The following FGD3 variants were observed in gnomAD, a reference collection of about 807,000 sequenced individuals.
FGD3 encodes the protein FYVE, RhoGEF and PH domain containing 3.
A neutral mutation model predicts 71.8 loss-of-function variants in FGD3; 45 were observed. The ratio of observed to expected loss-of-function variants is 0.63; its 90% CI spans 0.49 to 0.80. FGD3 has a LOEUF of 0.80. Among genes scored for constraint, FGD3 ranks in the 30% least tolerant of loss-of-function variants. FGD3 has a pLI of 0.00. For synonymous variants in FGD3, 378 were observed against 392.8 expected (o/e 0.96, Z 0.44); for missense variants, 844 against 951.5 (o/e 0.89, Z 1.49).
intron 3 of FGD3, among the ~76,000 whole-genome samples, chr9:92,990,921 T>C (rs546244949): frequency 6.6e-6 from 1 of 152,338 alleles, no homozygotes; most frequent in South Asian, 2.1e-4. Context: ...ATCAAGGTTA[T>C]GATGACCTTG....
chr9:93,008,961 T>TA (rs1221892937), intron 6 of FGD3, among the ~76,000 whole-genome samples: 24 of 104,556 alleles, frequency 2.3e-4, no homozygotes, highest in Non-Finnish European at 4.3e-4. Context: ...CAAGACTCCA[T>TA]CAAAAAAAAA....
intron 1 of FGD3, among the ~76,000 whole-genome samples, chr9:92,956,034 T>C (rs1859044956): frequency 6.6e-6 from 1 of 152,210 alleles, no homozygotes; most frequent in Admixed American, 6.5e-5. Context: ...TGCATGTTCA[T>C]TGCCAGTATA....
At chr9:92,951,474 CA>C (rs1858952622) in intron 1 of FGD3, among the ~76,000 whole-genome samples, 1 of 152,156 alleles carries the variant, frequency 6.6e-6, no homozygotes, top group Non-Finnish European at 1.5e-5. Flanking sequence ...TCCAGGAGTT[CA>C]AGACCAGGCT....
At chr9:93,000,953 C>G (rs1860836330) in intron 3 of FGD3, among the ~76,000 whole-genome samples, 1 of 152,050 alleles carries the variant, frequency 6.6e-6, no homozygotes, top group African/African-American at 2.4e-5. Context: ...CCCATACATC[C>G]CTTAGGCTCT....
intron 1 of FGD3, among the ~76,000 whole-genome samples, chr9:92,963,287 T>TTTTA (rs917116984): frequency 6.6e-6 from 1 of 152,136 alleles, no homozygotes; most frequent in African/African-American, 2.4e-5. Flanking sequence ...GAGAAATTGC[T>TTTTA]TTTATTTATT....
chr9:93,010,737 AAG>A (rs772187634), intron 7 of FGD3, among the ~76,000 whole-genome samples: 2 of 142,380 alleles, frequency 1.4e-5, no homozygotes, highest in South Asian at 2.2e-4. Flanking sequence ...GAGAGAGAGA[AAG>A]AGAGAGAACA....
chr9:93,034,306 C>G, intron 16 of FGD3: 1 of 479,716 alleles, frequency 2.1e-6, no homozygotes, highest in African/African-American at 2.0e-5. Context: ...GATGCCCTCC[C>G]CTTGGAGGGC....
chr9:93,025,605 T>C (rs183720182), intron 14 of FGD3, among the ~76,000 whole-genome samples: 2 of 152,350 alleles, frequency 1.3e-5, no homozygotes, highest in African/African-American at 4.8e-5. Context: ...CTGAGCCCAA[T>C]TTCTTCAGTG....
At chr9:92,982,773 G>C (rs1242652830) in intron 3 of FGD3, among the ~76,000 whole-genome samples, 1 of 152,048 alleles carries the variant, frequency 6.6e-6, no homozygotes, top group East Asian at 1.9e-4. Flanking sequence ...ACCTGTTAGA[G>C]TCCTATAGCT....
intron 12 of FGD3, 132 bp downstream of exon 12, chr9:93,019,993 A>C: frequency 1.1e-6 from 1 of 941,078 alleles, no homozygotes; most frequent in Non-Finnish European, 1.7e-6. Context: ...GCAGGGATGC[A>C]GTGACCACAC....
In FGD3 at chr9:93,033,330, C is replaced by CCTCCTCCTCCCCGTCCCCTT. The variant is rs1564173893; in HGVS notation, c.1785+464_1785+483dup. ...CTCCTCCTCCTCCCCGTCCCCTTCT[C>CCTCCTCCTCCCCGTCCCCTT]CTCCTCCTCCCCGTCCCCTTCTCCT... On this transcript the variant is annotated intron_variant, in intron 16 of 17. Coordinates refer to ENST00000375482, the MANE Select transcript of FGD3 (RefSeq NM_001083536.2). 154 of 142,502 alleles carry CCTCCTCCTCCCCGTCCCCTT rather than the reference C, an allele frequency of 1.1e-3. 1 individual carries two copies. Among genetic ancestry groups the CCTCCTCCTCCCCGTCCCCTT allele is most frequent in the African/African-American group, 7.3e-3 (139 of 19,102 alleles). The allele number at this position is 142,502 out of a possible 1,614,324, so 8.8% of individuals were successfully genotyped here.
In FGD3 at chr9:93,035,485, C is replaced by A; in HGVS notation, c.2074C>A (p.Gln692Lys). 6.2e-7 allele frequency: 1 copy of A among 1,613,582 alleles called. No individual in the cohort carries two copies. Among genetic ancestry groups the A allele is most frequent in the South Asian group, 1.1e-5 (1 of 91,068 alleles). The part of the protein sequence containing the change: ...YLSASSAELQ[Q>K]QWLETLSTAA... ...GAGCGCCTCCTCCGCAGAGCTGCAG[C>A]AGCAGTGGCTGGAAACCCTAAGCAC... The change falls in exon 18 of 18, where the codon CAG becomes AAG. Residue 692 changes from glutamine to lysine, a missense_variant. Coordinates refer to ENST00000375482, the MANE Select transcript of FGD3 (RefSeq NM_001083536.2).
In FGD3 at chr9:93,035,727, G is replaced by C. The variant is rs528589829; in HGVS notation, c.*138G>C. ...CCAGAGCTCAGGACACTTGGCTTTG[G>C]GGGGAAGGAAACTGAGGCCCAGAGA... On this transcript the variant is annotated 3_prime_UTR_variant, in exon 18 of 18. Coordinates refer to ENST00000375482, the MANE Select transcript of FGD3 (RefSeq NM_001083536.2). The C allele has an allele frequency of 1.5e-6, 2 of 1,306,202 alleles. No homozygotes were observed. The highest frequency in any genetic ancestry group is 3.0e-5 in the African/African-American group (2 of 66,808). 80.9% of individuals were successfully genotyped at this position (1,306,202 alleles called of 1,614,324 possible).
chr9:92,995,745 G>C (rs879398477), intron 3 of FGD3, among the ~76,000 whole-genome samples: 1 of 152,166 alleles, frequency 6.6e-6, no homozygotes, highest in African/African-American at 2.4e-5. Flanking sequence ...TGTGGTTTTT[G>C]TCTTTGGTTC....
Position 92,976,506 on chromosome 9 carries a change from A to G in FGD3, c.250A>G (p.Ser84Gly). 1 of 1,612,522 alleles carries G rather than the reference A, an allele frequency of 6.2e-7. No homozygotes were observed. Among genetic ancestry groups the G allele is most frequent in the South Asian group, 1.1e-5 (1 of 90,806 alleles). The change falls in exon 3 of 18, where the codon AGT becomes GGT. Residue 84 changes from serine to glycine, a missense_variant. Physicochemically the swap from Ser to Gly is moderately conservative, Grantham distance 56 (BLOSUM62 0). Transcript: ENST00000375482. ...RDSGIDSPSS[S>G]VAGENFPCEE... ...CAGCGGGATCGACAGTCCCTCCTCC[A>G]GTGTGGCTGGAGAGAACTTTCCCTG...
chr9:92,992,068 A>G (rs1860434186), intron 3 of FGD3, among the ~76,000 whole-genome samples: 1 of 152,190 alleles, frequency 6.6e-6, no homozygotes, highest in Non-Finnish European at 1.5e-5. Flanking sequence ...TCTTGTGGAC[A>G]GCATATAGTT....
chr9:92,958,486 A>G (rs1437422842), intron 1 of FGD3, among the ~76,000 whole-genome samples: 7 of 152,224 alleles, frequency 4.6e-5, no homozygotes, highest in Non-Finnish European at 8.8e-5. Flanking sequence ...CTTGGAGTCT[A>G]TATGTGGCTG....
chr9:93,019,711 C>T (rs146862002), intron 11 of FGD3, 120 bp from the exon 12 acceptor site: 3 of 979,048 alleles, frequency 3.1e-6, no homozygotes, highest in Non-Finnish European at 4.9e-6. Context: ...ATCTTCCAAT[C>T]CTTGAGCTGC....
At chr9:93,024,160 G>C (rs370409454) in intron 14 of FGD3, among the ~76,000 whole-genome samples, 1 of 152,182 alleles carries the variant, frequency 6.6e-6, no homozygotes, top group Non-Finnish European at 1.5e-5. Context: ...CTGTGCCCCA[G>C]ACTCACAGAG....
Sources: allele counts gnomAD v4.1 joint callset (sites outside exome capture counted in the v4.1 genomes callset), GRCh38; gene constraint gnomAD v4.1.1; transcripts MANE v1.5; gene names NCBI Gene and HGNC (gene_info 2026-07-23, HGNC 2026-07-21).